PRADC1: variants seen among roughly 807,000 people sequenced by gnomAD.
PRADC1 encodes the protein protease associated domain containing 1.
A neutral mutation model predicts 22.9 loss-of-function variants in PRADC1; 23 were observed. That is an observed-to-expected ratio of 1.00 (90% CI 0.72 to 1.42). The LOEUF (loss-of-function observed/expected upper bound fraction) is 1.42. Among genes scored for constraint, PRADC1 ranks in the 40% most tolerant of loss-of-function variants. The probability of loss-of-function intolerance (pLI) is 0.00; values close to 1 mark genes in which losing one functional copy is unlikely to be tolerated. For synonymous variants in PRADC1, 71 were observed against 100.3 expected, an observed-to-expected ratio of 0.71 and a Z score of 1.75; for missense variants, 207 against 258.3, an observed-to-expected ratio of 0.80 and a Z score of 1.36.
At chr2:73,230,280 C>T (rs1322426174) in intron 1 of PRADC1, 67 bp from the exon 2 acceptor site, 5 of 1,184,058 alleles carry the variant, frequency 4.2e-6, no homozygotes, top group Non-Finnish European at 6.3e-6. Flanking sequence ...AGATCCCAGA[C>T]CCTGTGTCTT....
In PRADC1 at chr2:73,229,538, G is replaced by A. The variant is rs374286368; in HGVS notation, c.201C>T (p.Pro67=). 79 of 1,613,830 alleles carry A rather than the reference G, an allele frequency of 4.9e-5. No homozygotes were observed. Among genetic ancestry groups the A allele is most frequent in the African/African-American group, 2.8e-4 (21 of 74,818 alleles). The stretch of plus-strand genomic sequence containing the variant: ...CCCCGCAGGCCTCTGGAGGTTCAGC[G>A]GGGACAAGGTGAATCTGCTCATACC... ...HTRYEQIHLV[P]AEPPEACGEL... Residue 67 remains proline, a synonymous_variant, in exon 3 of 5, where the codon CCC becomes CCT. Coordinates refer to ENST00000258083, the MANE Select transcript of PRADC1 (RefSeq NM_032319.3).
chr2:73,233,244 G>T (rs568093558), upstream of PRADC1: 2 of 937,838 alleles, frequency 2.1e-6, no homozygotes, highest in African/African-American at 1.7e-5. Context: ...CCTGACAGCT[G>T]CTCCGGCCTC....
intron 1 of PRADC1, among the ~76,000 whole-genome samples, chr2:73,231,856 T>G (rs1273423492): frequency 3.3e-5 from 5 of 152,214 alleles, no homozygotes; most frequent in Admixed American, 6.5e-5. Flanking sequence ...GGGATAGCCC[T>G]ATAAACTTTC....
chr2:73,230,342 G>C, intron 1 of PRADC1, 129 bp from the exon 2 acceptor site: 2 of 661,760 alleles, frequency 3.0e-6, no homozygotes, highest in Non-Finnish European at 5.4e-6. Flanking sequence ...AGCCAACGGG[G>C]TCCACTAGTG....
chr2:73,232,373 C>T (rs1410770721), intron 1 of PRADC1, among the ~76,000 whole-genome samples: 1 of 151,882 alleles, frequency 6.6e-6, no homozygotes, highest in Non-Finnish European at 1.5e-5. Flanking sequence ...ACTGCTGTCA[C>T]AAGTCTGTTA....
At chr2:73,231,609 A>G (rs1686639823) in intron 1 of PRADC1, among the ~76,000 whole-genome samples, 1 of 150,286 alleles carries the variant, frequency 6.7e-6, no homozygotes, top group South Asian at 2.1e-4. Context: ...TTTAGTAGAG[A>G]GGGTTTCGCC....
intron 1 of PRADC1, 131 bp downstream of exon 1, chr2:73,232,963 G>A: frequency 1.9e-6 from 2 of 1,055,282 alleles, no homozygotes; most frequent in Admixed American, 3.3e-5. Context: ...TATTCCGGCC[G>A]CCCGCTCCCA....
At chr2:73,229,709 T>TA (rs1321764865) in intron 2 of PRADC1, 139 bp from the exon 3 acceptor site, 11 of 672,356 alleles carry the variant, frequency 1.6e-5, no homozygotes, top group African/African-American at 1.3e-4. Flanking sequence ...GCCAGACACT[T>TA]AAACATTTTT....
chr2:73,232,761 G>C (rs913015408), intron 1 of PRADC1, among the ~76,000 whole-genome samples: 3 of 152,232 alleles, frequency 2.0e-5, no homozygotes, highest in African/African-American at 7.2e-5. Context: ...ACATGTGAAT[G>C]CTCACATACA....
Position 73,230,231 on chromosome 2 carries a change from C to T in PRADC1, c.68-18G>A, listed in dbSNP as rs1203202950. 6.3e-7 allele frequency: 1 copy of T among 1,576,542 alleles called. No individual in the cohort carries two copies. The highest frequency in any genetic ancestry group is 8.7e-7 in the Non-Finnish European group (1 of 1,146,210). ...ACGGAAGCCTGAAGGATAAAGAGTA[C>T]AGGTAAGAAGCCTCCCAGGAACAAG... On this transcript the variant is annotated intron_variant, in intron 1 of 4. Transcript: ENST00000258083.
chr2:73,230,009 C>G, intron 2 of PRADC1, 104 bp downstream of exon 2: 2 of 800,188 alleles, frequency 2.5e-6, no homozygotes, highest in Non-Finnish European at 4.3e-6. Flanking sequence ...TGATTCTGCT[C>G]CCTTCCCTGT....
Position 73,229,451 on chromosome 2 carries a change from C to CA in PRADC1, c.278+9dup, listed in dbSNP as rs1558555939. ...GCCCACTCCTCGTGTCCTGCCTGCCCACTCCTTACCCCCTCTCCACCAGAG... is the reference window on the plus strand; with the variant it reads ...GCCCACTCCTCGTGTCCTGCCTGCCCAACTCCTTACCCCCTCTCCACCAGAG... On this transcript the variant is annotated intron_variant, in intron 3 of 4. Transcript: ENST00000258083. 3 of 1,594,910 alleles carry CA rather than the reference C, an allele frequency of 1.9e-6. No homozygotes were observed. Among genetic ancestry groups the CA allele is most frequent in the Non-Finnish European group, 2.6e-6 (3 of 1,162,488 alleles).
chr2:73,230,264 A>G (rs1686611325), intron 1 of PRADC1, 51 bp from the exon 2 acceptor site: 1 of 1,354,876 alleles, frequency 7.4e-7, no homozygotes, highest in African/African-American at 1.4e-5. Context: ...AAGCTGGTTC[A>G]GGTTCAGATC....
At chr2:73,232,700 G>T (rs1686682528) in intron 1 of PRADC1, among the ~76,000 whole-genome samples, 2 of 152,334 alleles carry the variant, frequency 1.3e-5, no homozygotes, top group South Asian at 4.1e-4. Flanking sequence ...TTGTGTAGGT[G>T]TAAACGGTTT....
intron 2 of PRADC1, chr2:73,229,890 G>T (rs754781536): frequency 1.7e-6 from 1 of 587,234 alleles, no homozygotes; most frequent in Admixed American, 3.0e-5. Flanking sequence ...TTCACTTCAT[G>T]TCCCCTAAAA....
At chr2:73,229,420 A>ATGCCTGCCCACTCCTCGAGTCC in intron 3 of PRADC1, 41 bp downstream of exon 3, 1 of 1,311,780 alleles carries the variant, frequency 7.6e-7, no homozygotes, top group Non-Finnish European at 1.1e-6. Context: ...AATCTGCCGT[A>ATGCCTGCCCACTCCTCGAGTCC]TGCCTGCCCA....
intron 2 of PRADC1, chr2:73,229,896 T>A (rs1686602489): frequency 3.4e-6 from 2 of 588,434 alleles, no homozygotes; most frequent in South Asian, 4.1e-5. Context: ...TCATGTCCCC[T>A]AAAAAGACAA....
At position 73,229,812 on chromosome 2, in the gene PRADC1, G is replaced by A; in HGVS notation, c.169-242C>T. ...GACTTGGTTGTAGATCCAGAGAGAG[G>A]AAGTGATGTGCCTTAAGTCACATAG... On this transcript the variant is annotated intron_variant, in intron 2 of 4. Coordinates refer to ENST00000258083, the MANE Select transcript of PRADC1 (RefSeq NM_032319.3). The A allele has an allele frequency of 5.1e-6, 3 of 587,836 alleles. No homozygotes were observed. The Admixed American group carries it at 9.1e-5, about 18-fold the overall frequency. 36.4% of individuals were successfully genotyped at this position (587,836 alleles called of 1,614,324 possible).
chr2:73,233,024 C>G, intron 1 of PRADC1, 70 bp downstream of exon 1: 2 of 1,508,156 alleles, frequency 1.3e-6, no homozygotes, highest in Non-Finnish European at 1.8e-6. Context: ...CCTTGGCCCC[C>G]AACCCGAGAC....
Sources: gnomAD v4.1 joint callset for allele counts (sites outside exome capture counted in the v4.1 genomes callset) on GRCh38, gnomAD v4.1.1 for gene constraint, MANE v1.5 for transcripts, NCBI Gene and HGNC (gene_info 2026-07-23, HGNC 2026-07-21) for gene names.